The following VAV2 variants were observed in gnomAD, a reference collection of about 807,000 sequenced individuals.
The protein encoded by VAV2 is guanine nucleotide exchange factor VAV2.
VAV2 carries 67 observed loss-of-function variants against 132.5 expected under a neutral mutation model. That is an observed-to-expected ratio of 0.51 (90% confidence interval 0.42 to 0.62). The LOEUF is 0.62. Ranked by LOEUF, VAV2 falls within the 20% of genes least tolerant of loss-of-function variation. The probability of loss-of-function intolerance (pLI) is 0.00; values close to 1 mark genes in which losing one functional copy is unlikely to be tolerated. For missense variants in VAV2, 938 were observed against 1,153.6 expected, an observed-to-expected ratio of 0.81 and a Z score of 2.71; for synonymous variants, 492 against 443.5, an observed-to-expected ratio of 1.11 and a Z score of -1.37.
intron 3 of VAV2, among the ~76,000 whole-genome samples, chr9:133,860,244 G>A (rs1318265445): frequency 1.3e-5 from 2 of 151,842 alleles, no homozygotes; most frequent in African/African-American, 4.8e-5. Flanking sequence ...GGAGGTTGCA[G>A]TGAGCCGAGA....
chr9:133,893,105 T>C (rs1449156796), intron 2 of VAV2, among the ~76,000 whole-genome samples: 2 of 152,160 alleles, frequency 1.3e-5, no homozygotes, highest in African/African-American at 4.8e-5. Context: ...CCAAGATCTA[T>C]GGCTCTGAGT....
intron 25 of VAV2, among the ~76,000 whole-genome samples, chr9:133,772,512 C>A (rs1833665901): frequency 6.6e-6 from 1 of 152,150 alleles, no homozygotes; most frequent in Non-Finnish European, 1.5e-5. Flanking sequence ...CCGGCTGCTG[C>A]CCCTGCCAGA....
In VAV2 at chr9:133,840,319, G is replaced by C. The variant is rs1428912165; in HGVS notation, c.381-5979C>G. Among the ~76,000 whole-genome samples the C allele has an allele frequency of 6.6e-6, 1 of 152,168 alleles. No individual in the cohort carries two copies. The highest frequency in any genetic ancestry group is 1.5e-5 in the Non-Finnish European group (1 of 68,034). On this transcript the variant is annotated intron_variant, in intron 3 of 29. Transcript: ENST00000371850. This position sits in a 1 kb window ranked among gnomAD's most constrained non-coding sequence, Gnocchi z 4.5. ...AGGAAGCAGAGAAGCCCCAAGTGCT[G>C]AGTGCAGAGAAATCCCCAGCAGAGC...
intron 1 of VAV2, among the ~76,000 whole-genome samples, chr9:133,962,421 A>T (rs919203580): frequency 6.6e-6 from 1 of 152,116 alleles, no homozygotes; most frequent in South Asian, 2.1e-4. Context: ...CCAGAGGCAG[A>T]GGGGTGCGGG....
At chr9:133,812,753 C>G (rs1395694659) in intron 4 of VAV2, among the ~76,000 whole-genome samples, 1 of 152,158 alleles carries the variant, frequency 6.6e-6, no homozygotes, top group Non-Finnish European at 1.5e-5. Context: ...CCTTCTGAAA[C>G]CAGAGCCAAA....
intron 2 of VAV2, among the ~76,000 whole-genome samples, chr9:133,862,627 C>T (rs1043676222): frequency 4.6e-5 from 7 of 152,208 alleles, no homozygotes; most frequent in African/African-American, 1.2e-4. Flanking sequence ...AGGCCCACGA[C>T]GGCCACGTGC....
intron 3 of VAV2, among the ~76,000 whole-genome samples, chr9:133,847,282 C>A (rs1836970108): frequency 6.6e-6 from 1 of 152,202 alleles, no homozygotes; most frequent in Admixed American, 6.5e-5. Context: ...GATCCAAGAA[C>A]AAAATTCTCC....
intron 2 of VAV2, among the ~76,000 whole-genome samples, chr9:133,934,808 A>C (rs1212491874): frequency 6.6e-6 from 1 of 152,070 alleles, no homozygotes; most frequent in Non-Finnish European, 1.5e-5. Context: ...GCGAGAGCCG[A>C]TGCTCCTAAT....
At position 133,799,307 on chromosome 9, in the gene VAV2, G is replaced by A. The variant is rs551438941; in HGVS notation, c.837-1498C>T. ...GGCTGTCCTCACCACGGCCAGGGCC[G>A]CCAGAGGCCCTGACACCCTCCCAGC... is the stretch of plus-strand genomic sequence containing the variant. On this transcript the variant is annotated intron_variant, in intron 9 of 29. Coordinates refer to ENST00000371850, the MANE Select transcript of VAV2 (RefSeq NM_001134398.2). Among the ~76,000 whole-genome samples, 377 of 152,336 alleles carry A rather than the reference G, an allele frequency of 2.5e-3. 1 individual carries two copies. Among genetic ancestry groups the A allele is most frequent in the African/African-American group, 7.8e-3 (326 of 41,588 alleles).
intron 5 of VAV2, among the ~76,000 whole-genome samples, chr9:133,811,668 T>C (rs1197961345): frequency 2.0e-5 from 3 of 152,194 alleles, no homozygotes; most frequent in Non-Finnish European, 2.9e-5. Context: ...GCTGGCTAAT[T>C]GGGCCAATAT....
At chr9:133,895,368 G>A (rs1457402824) in intron 2 of VAV2, among the ~76,000 whole-genome samples, 2 of 152,124 alleles carry the variant, frequency 1.3e-5, no homozygotes, top group East Asian at 1.9e-4. Flanking sequence ...TCTGCCGTGC[G>A]CATCTATAAT....
intron 2 of VAV2, chr9:133,925,823 C>T (rs2789840): frequency 0.85 from 129,470 of 152,078 alleles, 56,511 homozygotes; most frequent in East Asian, 1. Context: ...AATGACACTT[C>T]GTTATAATTA....
At chr9:133,892,934 TATC>T (rs1355527537) in intron 2 of VAV2, among the ~76,000 whole-genome samples, 1 of 152,176 alleles carries the variant, frequency 6.6e-6, no homozygotes, top group Non-Finnish European at 1.5e-5. Context: ...CCCCCAGAAT[TATC>T]ATCAGGATGA....
intron 2 of VAV2, among the ~76,000 whole-genome samples, chr9:133,880,824 C>T (rs987693140): frequency 6.6e-6 from 1 of 152,252 alleles, no homozygotes. Context: ...CTAGGTAAAG[C>T]AGGGGCTGCC....
intron 19 of VAV2, among the ~76,000 whole-genome samples, chr9:133,782,019 G>C (rs1834026389): frequency 6.6e-6 from 1 of 151,902 alleles, no homozygotes. Context: ...CTGGGGATAG[G>C]AGGAGTAGTT....
chr9:133,850,625 G>C (rs1237917228), intron 3 of VAV2, among the ~76,000 whole-genome samples: 1 of 152,204 alleles, frequency 6.6e-6, no homozygotes, highest in Non-Finnish European at 1.5e-5. Context: ...AGATCCTTCT[G>C]GTATGAATGT....
At chr9:133,888,659 A>G (rs973531677) in intron 2 of VAV2, among the ~76,000 whole-genome samples, 19 of 152,224 alleles carry the variant, frequency 1.2e-4, no homozygotes, top group Non-Finnish European at 8.8e-5. Flanking sequence ...CGTGGACACG[A>G]TAAGACCAAC....
At chr9:133,937,829 C>T (rs796160380) in intron 2 of VAV2, among the ~76,000 whole-genome samples, 1 of 152,176 alleles carries the variant, frequency 6.6e-6, no homozygotes, top group East Asian at 1.9e-4. Context: ...AGGTGCGCTG[C>T]TGCAGGGAGG....
At chr9:133,776,680 G>A (rs1235968189) in intron 23 of VAV2, among the ~76,000 whole-genome samples, 1 of 152,174 alleles carries the variant, frequency 6.6e-6, no homozygotes, top group Non-Finnish European at 1.5e-5. Context: ...CTCCCCTGCC[G>A]CCTGGTCCCC....
Sources: gnomAD v4.1 joint callset for allele counts (sites outside exome capture counted in the v4.1 genomes callset) on GRCh38, gnomAD v4.1.1 for gene constraint, Gnocchi (gnomAD v3.1) non-coding constraint, MANE v1.5 for transcripts, NCBI Gene and HGNC (gene_info 2026-07-23, HGNC 2026-07-21) for gene names.